Variants in LAMB1 observed in about 807,000 individuals in gnomAD.
The protein encoded by LAMB1 is laminin subunit beta-1.
In LAMB1, 121 loss-of-function variants were observed where a neutral mutation model predicts 222.3. The observed-to-expected ratio is 0.54, with a 90% CI of 0.47 to 0.63. LAMB1 has a LOEUF of 0.63. Among genes scored for constraint, LAMB1 ranks in the 30% least tolerant of loss-of-function variants. The probability of loss-of-function intolerance (pLI) is 0.00; values close to 1 mark genes in which losing one functional copy is unlikely to be tolerated. For synonymous variants in LAMB1, 794 were observed against 807.2 expected (o/e 0.98, Z 0.28); for missense variants, 2,172 against 2,240.8 (o/e 0.97, Z 0.62).
rs2033571899 is a variant in LAMB1, at chr7:107,964,029, G to A, written c.1698+523C>T. On this transcript the variant is annotated intron_variant, in intron 14 of 33. Coordinates refer to ENST00000222399, the MANE Select transcript of LAMB1 (RefSeq NM_002291.3). ...GGAGAATCGCTTCAACCCAGCAGGCGGAGGTTGTGGTGAGCTGAGATAGTG... is the reference window on the plus strand; with the variant it reads ...GGAGAATCGCTTCAACCCAGCAGGCAGAGGTTGTGGTGAGCTGAGATAGTG... Among the ~76,000 whole-genome samples the A allele has an allele frequency of 2.6e-5, 4 of 152,336 alleles. No individual in the cohort carries two copies. The South Asian group carries it at 8.3e-4, about 32-fold the overall frequency.
Position 107,972,975 on chromosome 7 carries a change from C to T in LAMB1, c.1562+17G>A, listed in dbSNP as rs968531582. On this transcript the variant is annotated intron_variant, in intron 13 of 33. Transcript: ENST00000222399. ...CTGGAAGACTGAGGACAAGAGCATA[C>T]GTAGAGCTCCATTTACCTGTTGTTT... 19 of 1,594,588 alleles carry T rather than the reference C, an allele frequency of 1.2e-5. No individual in the cohort carries two copies. Among genetic ancestry groups the T allele is most frequent in the Middle Eastern group, 1.7e-4 (1 of 6,028 alleles).
intron 31 of LAMB1, among the ~76,000 whole-genome samples, chr7:107,927,845 C>T (rs2032600994): frequency 6.6e-6 from 1 of 152,062 alleles, no homozygotes; most frequent in Non-Finnish European, 1.5e-5. Flanking sequence ...TAACTGACAG[C>T]AATAGAATAG....
intron 27 of LAMB1, 193 bp from the exon 28 acceptor site, chr7:107,932,570 A>G (rs1208850933): frequency 1.7e-6 from 1 of 603,534 alleles, no homozygotes; most frequent in Non-Finnish European, 3.0e-6. Context: ...CTTATTTCCA[A>G]GGAAACAATG....
rs758613061 is a variant in LAMB1 at position 107,951,259 on chromosome 7, G to A, written c.3358C>T (p.Leu1120Phe). The A allele has an allele frequency of 1.9e-6, 3 of 1,614,096 alleles. No homozygotes were observed. In the East Asian group the frequency reaches 6.7e-5, roughly 36 times the overall value. ...TCCACGTCGGGGTCTCCCCAGAAGA[G>A]TTCCTGGCACTCGCTGCAGGTGCGG... is the stretch of plus-strand genomic sequence containing the variant. The part of the protein sequence containing the change: ...GGRTCSECQE[L>F]FWGDPDVECR... Residue 1120 changes from leucine (L) to phenylalanine (F), a missense_variant, in exon 24 of 34, where the codon CTC (leucine) becomes TTC (phenylalanine). Coordinates refer to ENST00000222399, the MANE Select transcript of LAMB1 (RefSeq NM_002291.3).
intron 24 of LAMB1, among the ~76,000 whole-genome samples, chr7:107,941,332 GA>G (rs1280934930): frequency 6.6e-6 from 1 of 152,186 alleles, no homozygotes; most frequent in African/African-American, 2.4e-5. Flanking sequence ...TTTGAATTAC[GA>G]AAGGCCTTAT....
intron 3 of LAMB1, among the ~76,000 whole-genome samples, chr7:107,999,117 C>T (rs894158357): frequency 1.3e-5 from 2 of 152,254 alleles, no homozygotes; most frequent in African/African-American, 4.8e-5. Flanking sequence ...CATGTTGGGC[C>T]CACTATAATC....
intron 5 of LAMB1, among the ~76,000 whole-genome samples, chr7:107,988,357 T>C (rs1344109786): frequency 6.6e-6 from 1 of 152,140 alleles, no homozygotes; most frequent in East Asian, 1.9e-4. Context: ...GGTCTGGCAC[T>C]CAGCTGCAAG....
Position 107,964,705 on chromosome 7 carries a change from C to T in LAMB1, c.1563-18G>A, listed in dbSNP as rs759477968. On this transcript the variant is annotated intron_variant, in intron 13 of 33. Coordinates refer to ENST00000222399, the MANE Select transcript of LAMB1 (RefSeq NM_002291.3). Reference sequence around the variant, plus strand: ...CAAAGCAACTGGAAGGGAGGAGGAGCCACATCAGCTGAGTTCATGGTCACG... The same window carrying T: ...CAAAGCAACTGGAAGGGAGGAGGAGTCACATCAGCTGAGTTCATGGTCACG... 1.9e-6 allele frequency: 3 copies of T among 1,613,542 alleles called. No individual in the cohort carries two copies. The highest frequency in any genetic ancestry group is 2.7e-5 in the African/African-American group (2 of 74,918).
chr7:107,981,418 A>G (rs1162728483), intron 7 of LAMB1, among the ~76,000 whole-genome samples: 8 of 151,222 alleles, frequency 5.3e-5, no homozygotes, highest in Non-Finnish European at 1.0e-4. Context: ...ATTGCACTCC[A>G]GCCTGAACGA....
At chr7:107,986,397 T>C (rs759789542) in intron 5 of LAMB1, 34 bp from the exon 6 acceptor site, 4 of 1,539,822 alleles carry the variant, frequency 2.6e-6, no homozygotes, top group Non-Finnish European at 1.8e-6. Flanking sequence ...ATTTGATGTT[T>C]TTTATTGGTA....
In LAMB1 at chr7:107,947,995, T is replaced by TTTC. The variant is rs796702301; in HGVS notation, c.3391+3230_3391+3231insGAA. The stretch of plus-strand genomic sequence containing the variant: ...ATATCTTCTTCTTCTTTTTTTTTTT[T>TTTC]TTTTTTTGAGACAGTCTTGCTCTGT... On this transcript the variant is annotated intron_variant, in intron 24 of 33. Transcript: ENST00000222399. Among the ~76,000 whole-genome samples, 547 of 148,346 alleles carry TTTC rather than the reference T, an allele frequency of 3.7e-3. 7 individuals are homozygous for TTTC. Among genetic ancestry groups the TTTC allele is most frequent in the African/African-American group, 0.013 (528 of 40,218 alleles).
chr7:107,947,073 T>C (rs1043916525), intron 24 of LAMB1, among the ~76,000 whole-genome samples: 4 of 152,156 alleles, frequency 2.6e-5, no homozygotes, highest in Non-Finnish European at 5.9e-5. Flanking sequence ...CTCCAGGCTG[T>C]TTTCTCCAGC....
chr7:107,967,127 GATC>G (rs1048327754), intron 13 of LAMB1, among the ~76,000 whole-genome samples: 2 of 152,194 alleles, frequency 1.3e-5, no homozygotes, highest in African/African-American at 4.8e-5. Context: ...GTCCCAAACA[GATC>G]ATCACCACCC....
intron 24 of LAMB1, among the ~76,000 whole-genome samples, chr7:107,945,188 C>T (rs1039563945): frequency 1.3e-5 from 2 of 152,172 alleles, no homozygotes; most frequent in Non-Finnish European, 2.9e-5. Flanking sequence ...TCTATTTTTA[C>T]TAAGTTTTCT....
Position 107,935,112 on chromosome 7 carries a change from G to A in LAMB1, c.4188+303C>T, listed in dbSNP as rs10953554. 0.31 allele frequency among the ~76,000 whole-genome samples: 47,599 copies of A among 151,498 alleles called. 8,751 individuals carry two copies. Among genetic ancestry groups the A allele is most frequent in the Non-Finnish European group, 0.41 (27,830 of 67,848 alleles). On this transcript the variant is annotated intron_variant, in intron 27 of 33. Coordinates refer to ENST00000222399, the MANE Select transcript of LAMB1 (RefSeq NM_002291.3). ...TGTAAAAAGGATCAAGTTTCAGTGC[G>A]GTGTCACTGAGTAGCTAAAACAGTA...
chr7:107,996,730 G>A (rs554954752), intron 4 of LAMB1, among the ~76,000 whole-genome samples: 2 of 152,232 alleles, frequency 1.3e-5, no homozygotes, highest in South Asian at 4.1e-4. Context: ...TGATTAACTC[G>A]ACATAACTAA....
At chr7:107,971,957 AAGGATTCAAC>A (rs2033756710) in intron 13 of LAMB1, among the ~76,000 whole-genome samples, 2 of 152,184 alleles carry the variant, frequency 1.3e-5, no homozygotes, top group African/African-American at 2.4e-5. Context: ...TCATTTACTA[AAGGATTCAAC>A]ATGTGTTCTG....
intron 5 of LAMB1, among the ~76,000 whole-genome samples, chr7:107,990,027 GTTTTT>G (rs1554412851): frequency 3.7e-5 from 2 of 54,746 alleles, no homozygotes; most frequent in Admixed American, 3.9e-4. Flanking sequence ...AGTTTTTTGT[GTTTTT>G]TTTTGTTTGT....
In LAMB1 at chr7:107,964,621, C is replaced by T. The variant is rs1274785415; in HGVS notation, c.1629G>A (p.Val543=). Reference sequence around the variant, plus strand: ...GGGTGGCAAAGTAGTAACCAGGTTCCACTTCGTTGCACTGACGTCCAATCA... The same window carrying T: ...GGGTGGCAAAGTAGTAACCAGGTTCTACTTCGTTGCACTGACGTCCAATCA... ...PHMIGRQCNE[V]EPGYYFATLD... The change falls in exon 14 of 34, where the codon GTG becomes GTA. Residue 543 remains valine (V), a synonymous_variant. Transcript: ENST00000222399. 1.9e-6 allele frequency: 3 copies of T among 1,614,146 alleles called. No homozygotes were observed. In the Admixed American group the frequency reaches 5.0e-5, roughly 27 times the overall value.
Sources: gnomAD v4.1 joint callset for allele counts (sites outside exome capture counted in the v4.1 genomes callset) on GRCh38, gnomAD v4.1.1 for gene constraint, MANE v1.5 for transcripts, NCBI Gene and HGNC (gene_info 2026-07-23, HGNC 2026-07-21) for gene names.